CADM2: variants seen among roughly 807,000 people sequenced by gnomAD.
CADM2 encodes cell adhesion molecule 2, also known as immunoglobulin superfamily member 4D.
CADM2 carries 12 observed loss-of-function variants against 49.8 expected under a neutral mutation model. The ratio of observed to expected loss-of-function variants is 0.24; its 90% CI spans 0.15 to 0.39. The LOEUF is 0.39. Among genes scored for constraint, CADM2 ranks in the 10% least tolerant of loss-of-function variants. CADM2 has a pLI of 1.00. For missense variants in CADM2, 378 were observed against 492.3 expected, an observed-to-expected ratio of 0.77 and a Z score of 2.20; for synonymous variants, 214 against 175.4, an observed-to-expected ratio of 1.22 and a Z score of -1.74.
At chr3:85,913,063 G>C (rs911532659) in intron 6 of CADM2, among the ~76,000 whole-genome samples, 1 of 152,030 alleles carries the variant, frequency 6.6e-6, no homozygotes, top group South Asian at 2.1e-4. Flanking sequence ...TTAATTTTGT[G>C]AATCTAATAG....
intron 1 of CADM2, among the ~76,000 whole-genome samples, chr3:85,009,568 T>G (rs1197388348): frequency 6.6e-6 from 1 of 152,100 alleles, no homozygotes; most frequent in Non-Finnish European, 1.5e-5. Flanking sequence ...ATTTAATTTT[T>G]GAAAATATGT....
chr3:85,754,019 G>T (rs1381557591), intron 2 of CADM2, among the ~76,000 whole-genome samples: 4 of 152,186 alleles, frequency 2.6e-5, no homozygotes, highest in Non-Finnish European at 4.4e-5. Flanking sequence ...CTTCCTTTGA[G>T]GTGGGCTGTC....
chr3:86,065,544 G>T (rs992909026), intron 8 of CADM2, 61 bp from the exon 9 acceptor site: 123 of 1,525,728 alleles, frequency 8.1e-5, no homozygotes, highest in Admixed American at 1.0e-4. Flanking sequence ...TTCTAATGCA[G>T]TTATGTATTC....
intron 1 of CADM2, among the ~76,000 whole-genome samples, chr3:84,973,596 G>A (rs2031614348): frequency 6.6e-6 from 1 of 152,110 alleles, no homozygotes; most frequent in Non-Finnish European, 1.5e-5. Flanking sequence ...TCAGCAGAGG[G>A]AATGTAGGGG....
chr3:86,046,319 G>A (rs1024407157), intron 8 of CADM2, among the ~76,000 whole-genome samples: 3 of 151,998 alleles, frequency 2.0e-5, no homozygotes, highest in Admixed American at 6.6e-5. Flanking sequence ...TTAAAAACAC[G>A]TAGTATCTAT....
At chr3:85,155,478 C>T (rs1356096907) in intron 1 of CADM2, among the ~76,000 whole-genome samples, 1 of 152,060 alleles carries the variant, frequency 6.6e-6, no homozygotes. Context: ...TAGACTCCCA[C>T]ACATTAATAA....
At chr3:85,883,628 G>A (rs1344554827) in intron 4 of CADM2, among the ~76,000 whole-genome samples, 185 bp downstream of exon 4, 1 of 152,166 alleles carries the variant, frequency 6.6e-6, no homozygotes, top group Non-Finnish European at 1.5e-5. Flanking sequence ...ATTTTATAAA[G>A]GGACAAAGAT....
chr3:85,904,400 C>A (rs547186666), intron 5 of CADM2, among the ~76,000 whole-genome samples: 1 of 152,292 alleles, frequency 6.6e-6, no homozygotes, highest in Admixed American at 6.5e-5. Flanking sequence ...CCTGCCTCTT[C>A]TGGAAAGGAC....
intron 1 of CADM2, among the ~76,000 whole-genome samples, chr3:85,230,595 G>A (rs1014933181): frequency 2.0e-5 from 3 of 152,130 alleles, no homozygotes; most frequent in Admixed American, 1.3e-4. Flanking sequence ...AACTAAGCAG[G>A]TGCATAGAGA....
chr3:85,067,848 G>A (rs1439191489), intron 1 of CADM2, among the ~76,000 whole-genome samples: 1 of 152,086 alleles, frequency 6.6e-6, no homozygotes, highest in East Asian at 1.9e-4. Flanking sequence ...TTCAACAAAG[G>A]GAGAAGTGAA....
At chr3:85,526,385 C>T (rs73130310) in intron 1 of CADM2, among the ~76,000 whole-genome samples, 31,568 of 151,976 alleles carry the variant, frequency 0.21, 3,876 homozygotes, top group East Asian at 0.3. Flanking sequence ...GTGGCAATAT[C>T]AAATATACAC....
intron 6 of CADM2, among the ~76,000 whole-genome samples, chr3:85,921,662 T>C (rs964851491): frequency 7.2e-5 from 11 of 152,240 alleles, no homozygotes; most frequent in Middle Eastern, 3.4e-3. Flanking sequence ...TAGATTATTG[T>C]TAAGTAAAGT....
chr3:85,184,773 T>C (rs1344321346), intron 1 of CADM2, among the ~76,000 whole-genome samples: 1 of 152,124 alleles, frequency 6.6e-6, no homozygotes, highest in Admixed American at 6.6e-5. Context: ...AGTGCATTGC[T>C]TGTGATAGTA....
intron 5 of CADM2, 149 bp downstream of exon 5, chr3:85,886,476 G>A (rs913884907): frequency 1.7e-6 from 1 of 576,632 alleles, no homozygotes; most frequent in Non-Finnish European, 3.0e-6. Flanking sequence ...CTTAAGTAAG[G>A]TAATTTTACA....
At chr3:85,318,943 G>A (rs1455737937) in intron 1 of CADM2, among the ~76,000 whole-genome samples, 5 of 151,990 alleles carry the variant, frequency 3.3e-5, no homozygotes, top group Non-Finnish European at 5.9e-5. Context: ...GACAACGTTC[G>A]GGCTCTTAAC....
At chr3:85,913,255 A>G (rs1265617680) in intron 6 of CADM2, among the ~76,000 whole-genome samples, 1 of 152,230 alleles carries the variant, frequency 6.6e-6, no homozygotes, top group Admixed American at 6.5e-5. Flanking sequence ...TTTAGTACCT[A>G]GCAAGGTTTT....
chr3:85,163,563 A>G (rs951331750), intron 1 of CADM2, among the ~76,000 whole-genome samples: 9 of 152,052 alleles, frequency 5.9e-5, no homozygotes, highest in African/African-American at 2.2e-4. Flanking sequence ...GCCCTCAGAC[A>G]ATTAATCTGC....
At chr3:85,400,747 A>G (rs1559820911) in intron 1 of CADM2, among the ~76,000 whole-genome samples, 1 of 152,104 alleles carries the variant, frequency 6.6e-6, no homozygotes, top group Non-Finnish European at 1.5e-5. Flanking sequence ...AGGTGTTTAT[A>G]TTATTCTCTG....
intron 2 of CADM2, among the ~76,000 whole-genome samples, chr3:85,771,478 T>C (rs1273314695): frequency 1.3e-5 from 2 of 152,140 alleles, no homozygotes; most frequent in African/African-American, 2.4e-5. Flanking sequence ...TTGAGCAAAA[T>C]ATATATCTCC....
Sources: allele counts gnomAD v4.1 joint callset (sites outside exome capture counted in the v4.1 genomes callset), GRCh38; gene constraint gnomAD v4.1.1; transcripts MANE v1.5; gene names NCBI Gene and HGNC (gene_info 2026-07-23, HGNC 2026-07-21).